The following CRLF3 variants were observed in gnomAD, a reference collection of about 807,000 sequenced individuals.
The protein encoded by CRLF3 is cytokine receptor like factor 3, also known as cytokine receptor-like factor 3.
CRLF3 carries 33 observed loss-of-function variants against 55.0 expected under a neutral mutation model. That is an observed-to-expected ratio of 0.60 (90% CI 0.46 to 0.80). CRLF3 has a LOEUF of 0.80. Among genes scored for constraint, CRLF3 ranks in the 30% least tolerant of loss-of-function variants. The pLI is 0.00. For missense variants in CRLF3, 494 were observed against 538.4 expected (o/e 0.92, Z 0.82); for synonymous variants, 238 against 196.8 (o/e 1.21, Z -1.75).
chr17:30,805,918 G>A (rs1267140879), intron 1 of CRLF3, among the ~76,000 whole-genome samples: 1 of 152,110 alleles, frequency 6.6e-6, no homozygotes, highest in African/African-American at 2.4e-5. Context: ...AGCTACTTAG[G>A]AGGCTGAGGT....
rs1597909055 is a variant in CRLF3 at position 30,784,378 on chromosome 17, CAG to C, written c.1136_1137del (p.Thr379SerfsTer4). ...GTCACGGCTTCAATGTCAAACGTGA[CAG>C]TGGACCCAGAAGTAACTGCGGGTAA... ...NQLPAVTSGS[T>X]VTFDIEAVTL... is the part of the protein sequence containing the mutation. On this transcript the variant is annotated frameshift_variant, in exon 8 of 8. Transcript: ENST00000324238. LOFTEE classifies it high-confidence loss of function. The C allele has an allele frequency of 6.2e-7, 1 of 1,613,862 alleles. No individual in the cohort carries two copies. The highest frequency in any genetic ancestry group is 8.5e-7 in the Non-Finnish European group (1 of 1,179,750).
chr17:30,803,098 A>G (rs1483317098), intron 2 of CRLF3, among the ~76,000 whole-genome samples: 2 of 152,002 alleles, frequency 1.3e-5, no homozygotes, highest in South Asian at 2.1e-4. Context: ...CAGGGAGGTC[A>G]AGACTGCAGT....
Position 30,793,554 on chromosome 17 carries a change from G to T in CRLF3, c.722C>A (p.Pro241His). The T allele has an allele frequency of 2.5e-6, 4 of 1,614,006 alleles. No individual in the cohort carries two copies. The highest frequency in any genetic ancestry group is 3.4e-6 in the Non-Finnish European group (4 of 1,179,974). ...ETEFIVLHID[P>H]NVDYQFRVCA... ...GACTCTGAACTGGTAATCAACGTTG[G>T]GGTCTATGTGCAATACTATGAATTC... is the stretch of plus-strand genomic sequence containing the variant. The change falls in exon 5 of 8, where the codon CCC (proline) becomes CAC (histidine). Residue 241 changes from proline to histidine, a missense_variant. Physicochemically the swap from Pro to His is moderately conservative, Grantham distance 77. Transcript: ENST00000324238.
chr17:30,811,481 CA>C (rs111792516), intron 1 of CRLF3, among the ~76,000 whole-genome samples: 1 of 147,672 alleles, frequency 6.8e-6, no homozygotes. Context: ...AAAAACACCA[CA>C]AAAAAAAACA....
chr17:30,811,359 C>G (rs894165339), intron 1 of CRLF3, among the ~76,000 whole-genome samples: 4 of 151,614 alleles, frequency 2.6e-5, no homozygotes, highest in African/African-American at 9.7e-5. Flanking sequence ...GAGGCTGAGG[C>G]AGGAGAATCA....
intron 1 of CRLF3, among the ~76,000 whole-genome samples, chr17:30,808,113 T>C (rs1176318705): frequency 6.6e-6 from 1 of 152,076 alleles, no homozygotes; most frequent in Non-Finnish European, 1.5e-5. Flanking sequence ...CAGTTAATCA[T>C]GTGTGTTTCA....
At chr17:30,788,797 G>A (rs1388956464) in intron 6 of CRLF3, among the ~76,000 whole-genome samples, 10 of 151,350 alleles carry the variant, frequency 6.6e-5, no homozygotes, top group African/African-American at 2.4e-4. Context: ...TAGTAGAGAT[G>A]GGGTTTCACC....
At chr17:30,814,227 A>G (rs151305141) in intron 1 of CRLF3, among the ~76,000 whole-genome samples, 1,781 of 152,312 alleles carry the variant, frequency 0.012, 15 homozygotes, top group Non-Finnish European at 0.019. Flanking sequence ...ACTGCACTCC[A>G]GCCTGGGTGA....
At chr17:30,790,703 G>GCCT (rs1971778688) in intron 6 of CRLF3, 2 of 130,744 alleles carry the variant, frequency 1.5e-5, no homozygotes, top group Admixed American at 9.4e-5. Flanking sequence ...TGCAACCTCC[G>GCCT]CCTCCAGGCT....
chr17:30,783,201 A>G lies in CRLF3; in HGVS notation c.*986T>C, dbSNP rs1252696157. On this transcript the variant is annotated 3_prime_UTR_variant, in exon 8 of 8. Coordinates refer to ENST00000324238, the MANE Select transcript of CRLF3 (RefSeq NM_015986.4). ...TATGAAATGGCTAACACTGCTGTGC[A>G]TACTACTGCCATAACTAGTTTTACC... 1 of 152,252 alleles carries G rather than the reference A, an allele frequency of 6.6e-6. No individual in the cohort carries two copies. Among genetic ancestry groups the G allele is most frequent in the Non-Finnish European group, 1.5e-5 (1 of 68,048 alleles). The allele number at this position is 152,252 out of a possible 1,614,324, so 9.4% of individuals were successfully genotyped here. A position where few individuals can be genotyped will look rare whatever the true frequency, so the allele number is the denominator to read the frequency against.
chr17:30,804,068 T>C lies in CRLF3; in HGVS notation c.170A>G (p.Gln57Arg). 1 of 1,613,940 alleles carries C rather than the reference T, an allele frequency of 6.2e-7. No individual in the cohort carries two copies. The highest frequency in any genetic ancestry group is 1.7e-4 in the Middle Eastern group (1 of 5,946). The stretch of plus-strand genomic sequence containing the variant: ...GGTTCCCTTTAAATCATTAAAATGC[T>C]GTTTGAGAACATCCCTTGTCTGTGA... ...SASQTRDVLKQHFNDLKGTLG... is the reference protein window; with the variant it reads ...SASQTRDVLKRHFNDLKGTLG... The change falls in exon 2 of 8, where the codon CAG (glutamine) becomes CGG (arginine). Residue 57 changes from glutamine (Q) to arginine (R), a missense_variant. Physicochemically the swap from Gln to Arg is conservative, Grantham distance 43 (BLOSUM62 1). Transcript: ENST00000324238.
Position 30,789,960 on chromosome 17 carries a change from G to C in CRLF3, c.959+2480C>G, listed in dbSNP as rs183577455. On this transcript the variant is annotated intron_variant, in intron 6 of 7. Transcript: ENST00000324238. The stretch of plus-strand genomic sequence containing the variant: ...AAGTACAGAAAACTCATGATTACCT[G>C]GGGAATAGTTAAATAGATTTTAGGT... Among the ~76,000 whole-genome samples the C allele has an allele frequency of 1.4e-4, 22 of 151,940 alleles. 1 individual carries two copies. The highest frequency in any genetic ancestry group is 1.1e-3 in the Admixed American group (17 of 15,224).
chr17:30,795,470 T>A, intron 4 of CRLF3, among the ~76,000 whole-genome samples: 1 of 141,588 alleles, frequency 7.1e-6, no homozygotes. Context: ...TATTCCAGCC[T>A]GAACAACAAC....
intron 1 of CRLF3, among the ~76,000 whole-genome samples, chr17:30,808,875 G>A (rs1904520746): frequency 6.6e-6 from 1 of 152,222 alleles, no homozygotes; most frequent in Non-Finnish European, 1.5e-5. Flanking sequence ...TTACAGGCAT[G>A]AGCCACCGCA....
chr17:30,816,488 C>CTTTTT (rs1183953028), intron 1 of CRLF3, among the ~76,000 whole-genome samples: 69 of 117,446 alleles, frequency 5.9e-4, no homozygotes, highest in South Asian at 8.8e-4. Flanking sequence ...TTCTTTCTTT[C>CTTTTT]TTTTTTTTTT....
At chr17:30,817,882 G>A (rs1331853714) in intron 1 of CRLF3, among the ~76,000 whole-genome samples, 2 of 143,756 alleles carry the variant, frequency 1.4e-5, no homozygotes, top group African/African-American at 2.6e-5. Flanking sequence ...CTCCAGCATG[G>A]CGACAGAGTG....
rs1228651069 is a variant in CRLF3, at chr17:30,793,529, G to T, written c.747C>A (p.Val249=). The T allele has an allele frequency of 6.2e-7, 1 of 1,614,172 alleles. No homozygotes were observed. Among genetic ancestry groups the T allele is most frequent in the Admixed American group, 1.7e-5 (1 of 60,008 alleles). Residue 249 remains valine (V), a synonymous_variant, in exon 5 of 8, where the codon GTC becomes GTA. Transcript: ENST00000324238. The part of the protein sequence containing the change: ...IDPNVDYQFR[V]CARGDGRQEW... Reference sequence around the variant, plus strand: ...CCTGTCGGCCATCTCCTCGGGCGCAGACTCTGAACTGGTAATCAACGTTGG... The same window carrying T: ...CCTGTCGGCCATCTCCTCGGGCGCATACTCTGAACTGGTAATCAACGTTGG...
At chr17:30,805,045 T>C (rs1346230065) in intron 1 of CRLF3, among the ~76,000 whole-genome samples, 1 of 151,944 alleles carries the variant, frequency 6.6e-6, no homozygotes, top group Non-Finnish European at 1.5e-5. Context: ...TAGCTGGACG[T>C]GGTAGTGCGG....
chr17:30,795,682 T>A (rs1971904223), intron 4 of CRLF3, among the ~76,000 whole-genome samples: 1 of 151,328 alleles, frequency 6.6e-6, no homozygotes, highest in Admixed American at 6.6e-5. Context: ...ACACCTATAA[T>A]CCCAGCACTT....
Sources: gnomAD v4.1 joint callset for allele counts (sites outside exome capture counted in the v4.1 genomes callset) on GRCh38, gnomAD v4.1.1 for gene constraint, MANE v1.5 for transcripts, NCBI Gene and HGNC (gene_info 2026-07-23, HGNC 2026-07-21) for gene names.